The following PRCC variants were observed in gnomAD, a reference collection of about 807,000 sequenced individuals.
PRCC encodes the protein proline rich mitotic checkpoint control factor, also known as proline-rich protein PRCC.
In PRCC, 10 loss-of-function variants were observed where a neutral mutation model predicts 44.0. The observed-to-expected ratio is 0.23, with a 90% confidence interval of 0.14 to 0.39. The LOEUF is 0.39. Among genes scored for constraint, PRCC ranks in the 10% least tolerant of loss-of-function variants. The probability of loss-of-function intolerance (pLI) is 1.00; values close to 1 mark genes in which losing one functional copy is unlikely to be tolerated. For missense variants in PRCC, 573 were observed against 624.7 expected (o/e 0.92, Z 0.88); for synonymous variants, 278 against 259.5 (o/e 1.07, Z -0.69).
intron 1 of PRCC, among the ~76,000 whole-genome samples, chr1:156,779,677 A>G (rs1651980407): frequency 6.6e-6 from 1 of 151,752 alleles, no homozygotes; most frequent in Middle Eastern, 3.4e-3. Context: ...CCTATTTTAA[A>G]TTTTTATTTA....
At position 156,794,828 on chromosome 1, in the gene PRCC, T is replaced by A; in HGVS notation, c.1323+20T>A. 6.2e-7 allele frequency: 1 copy of A among 1,613,914 alleles called. No individual in the cohort carries two copies. Among genetic ancestry groups the A allele is most frequent in the Non-Finnish European group, 8.5e-7 (1 of 1,179,924 alleles). ...AGCAAAGTAAGTGGGAAACGTCTAT[T>A]GAGTGGTCAGCTTGGGAAGCTGCAA... On this transcript the variant is annotated intron_variant, in intron 5 of 6. Coordinates refer to ENST00000271526, the MANE Select transcript of PRCC (RefSeq NM_005973.5).
At chr1:156,775,297 G>A (rs1651784547) in intron 1 of PRCC, among the ~76,000 whole-genome samples, 1 of 151,634 alleles carries the variant, frequency 6.6e-6, no homozygotes, top group African/African-American at 2.4e-5. Flanking sequence ...TATGTTATCT[G>A]GGCTGGCCTC....
chr1:156,795,331 A>T, intron 5 of PRCC, among the ~76,000 whole-genome samples: 1 of 97,548 alleles, frequency 1.0e-5, no homozygotes, highest in Non-Finnish European at 1.8e-5. Context: ...TCTGTTGCCC[A>T]GGCTGGCATG....
chr1:156,786,542 G>T, intron 2 of PRCC, 66 bp from the exon 3 acceptor site: 1 of 1,470,104 alleles, frequency 6.8e-7, no homozygotes, highest in South Asian at 1.3e-5. Flanking sequence ...TGTTTTTGGT[G>T]TTGCTAGTAC....
intron 5 of PRCC, among the ~76,000 whole-genome samples, chr1:156,795,249 CTCCTTCCT>C (rs1266257595): frequency 9.1e-6 from 1 of 109,912 alleles, no homozygotes; most frequent in African/African-American, 3.6e-5. Context: ...TCCTCCTTTC[CTCCTTCCT>C]TCCTTCCAAT....
rs1558042442 is a variant in PRCC at position 156,767,559 on chromosome 1, C to T, written c.-213C>T. 5.2e-6 allele frequency: 3 copies of T among 579,690 alleles called. No individual in the cohort carries two copies. Among genetic ancestry groups the T allele is most frequent in the Admixed American group, 3.3e-5 (1 of 30,588 alleles). The allele number at this position is 579,690 out of a possible 1,614,324, so 35.9% of individuals were successfully genotyped here. On this transcript the variant is annotated 5_prime_UTR_variant, in exon 1 of 7. Coordinates refer to ENST00000271526, the MANE Select transcript of PRCC (RefSeq NM_005973.5). ...CGGCCATTAGCTGTGTGTAGTTGCCCGGGACTAGGAGCTTAAGTGAAGAGG... is the reference window on the plus strand; with the variant it reads ...CGGCCATTAGCTGTGTGTAGTTGCCTGGGACTAGGAGCTTAAGTGAAGAGG...
intron 6 of PRCC, among the ~76,000 whole-genome samples, chr1:156,799,320 G>A (rs1284726191): frequency 1.3e-5 from 2 of 151,814 alleles, no homozygotes; most frequent in Non-Finnish European, 2.9e-5. Context: ...AAGTTGTCAC[G>A]AATTTCCAAA....
chr1:156,794,534 A>G (rs931032926), intron 4 of PRCC, 131 bp from the exon 5 acceptor site: 24 of 1,090,984 alleles, frequency 2.2e-5, no homozygotes, highest in Non-Finnish European at 3.1e-5. Context: ...GGCAGGGTGA[A>G]AGGACGTAGA....
intron 3 of PRCC, among the ~76,000 whole-genome samples, chr1:156,789,879 G>T (rs1652414870): frequency 1.3e-5 from 2 of 152,234 alleles, no homozygotes; most frequent in Admixed American, 6.5e-5. Flanking sequence ...GTTTGGAAGA[G>T]ATATTTAGAT....
chr1:156,769,776 G>A (rs1183046357), intron 1 of PRCC, among the ~76,000 whole-genome samples: 1 of 151,638 alleles, frequency 6.6e-6, no homozygotes, highest in Non-Finnish European at 1.5e-5. Context: ...ATTTTTTTGT[G>A]TTTTTAGTAG....
chr1:156,797,470 C>T, intron 6 of PRCC, 129 bp downstream of exon 6: 1 of 1,066,490 alleles, frequency 9.4e-7, no homozygotes, highest in South Asian at 1.4e-5. Context: ...GCATCCTCTC[C>T]TATTCTCAGA....
At chr1:156,788,788 A>C (rs989190576) in intron 3 of PRCC, among the ~76,000 whole-genome samples, 3 of 148,234 alleles carry the variant, frequency 2.0e-5, no homozygotes, top group Non-Finnish European at 4.4e-5. Flanking sequence ...CAGCCTCCCT[A>C]GTAGTTTGGA....
At chr1:156,773,934 C>T (rs554060708) in intron 1 of PRCC, among the ~76,000 whole-genome samples, 168 of 152,136 alleles carry the variant, frequency 1.1e-3, no homozygotes, top group Middle Eastern at 3.4e-3. Flanking sequence ...AATGAAATTC[C>T]GATACGTGCT....
At chr1:156,792,526 C>T (rs757450032) in intron 4 of PRCC, among the ~76,000 whole-genome samples, 8 of 152,174 alleles carry the variant, frequency 5.3e-5, no homozygotes, top group Non-Finnish European at 1.0e-4. Flanking sequence ...CAGCTCACTG[C>T]AACCTCTGCC....
intron 2 of PRCC, among the ~76,000 whole-genome samples, chr1:156,782,559 G>A (rs1652085915): frequency 6.6e-6 from 1 of 152,132 alleles, no homozygotes; most frequent in African/African-American, 2.4e-5. Context: ...TGGAAGACAG[G>A]CAGTGGTAGG....
rs67388360 is a variant in PRCC at position 156,792,053 on chromosome 1, C to CTTTTTTTTTTTTTTTTTTTTTTTTTTTT, written c.1179+262_1179+289dup. Among the ~76,000 whole-genome samples the CTTTTTTTTTTTTTTTTTTTTTTTTTTTT allele has an allele frequency of 2.2e-4, 13 of 58,448 alleles. 1 individual carries two copies. The highest frequency in any genetic ancestry group is 3.6e-4 in the Non-Finnish European group (11 of 30,748). 38.3% of individuals were successfully genotyped at this position (58,448 alleles called of 152,430 possible). On this transcript the variant is annotated intron_variant, in intron 4 of 6. Transcript: ENST00000271526. ...ACAGAGTCAGGGATCTAGTCCCCTT[C>CTTTTTTTTTTTTTTTTTTTTTTTTTTTT]TTTTTTTTTTTTTTTTTTTTTTTTT... is the stretch of plus-strand genomic sequence containing the variant.
chr1:156,787,073 G>C lies in PRCC; in HGVS notation c.982G>C (p.Gly328Arg). The C allele has an allele frequency of 6.2e-7, 1 of 1,614,214 alleles. No individual in the cohort carries two copies. The highest frequency in any genetic ancestry group is 1.1e-5 in the South Asian group (1 of 91,090). The change falls in exon 3 of 7, where the codon GGT becomes CGT. Residue 328 changes from glycine (G) to arginine (R), a missense_variant. Gly to Arg is a moderately radical substitution (Grantham distance 125, BLOSUM62 -2). Coordinates refer to ENST00000271526, the MANE Select transcript of PRCC (RefSeq NM_005973.5). ...NAPLEFKMAA[G>R]SSGAPWMPKP... ...CCCCCTTGAATTCAAGATGGCAGCA[G>C]GTTCAAGTGGGGCCCCTTGGATGCC...
chr1:156,780,526 C>T lies in PRCC; in HGVS notation c.469-1756C>T, dbSNP rs1013148632. ...GTGGAATGCAGTGACATGATCACGG[C>T]TTGCTGCAGCCTTGACCTCCTAGGC... On this transcript the variant is annotated intron_variant, in intron 1 of 6. Transcript: ENST00000271526. Among the ~76,000 whole-genome samples, 6 of 151,516 alleles carry T rather than the reference C, an allele frequency of 4.0e-5. No individual in the cohort carries two copies. In the East Asian group the frequency reaches 7.8e-4, roughly 20 times the overall value.
chr1:156,783,613 A>G (rs1164503901), intron 2 of PRCC, among the ~76,000 whole-genome samples: 1 of 151,956 alleles, frequency 6.6e-6, no homozygotes, highest in Non-Finnish European at 1.5e-5. Context: ...AGGCGTGGTG[A>G]CAGGTGCCTA....
Sources: gnomAD v4.1 joint callset for allele counts (sites outside exome capture counted in the v4.1 genomes callset) on GRCh38, gnomAD v4.1.1 for gene constraint, MANE v1.5 for transcripts, NCBI Gene and HGNC (gene_info 2026-07-23, HGNC 2026-07-21) for gene names.